Variants in COPB2 observed in about 807,000 individuals in gnomAD.
The protein encoded by COPB2 is coatomer subunit beta'.
COPB2 carries 16 observed loss-of-function variants against 120.8 expected under a neutral mutation model. The observed-to-expected ratio is 0.13, with a 90% CI of 0.09 to 0.20. The LOEUF is 0.20. Ranked by LOEUF, COPB2 falls within the 10% of genes least tolerant of loss-of-function variation. The pLI is 1.00. For synonymous variants in COPB2, 332 were observed against 366.3 expected, an observed-to-expected ratio of 0.91 and a Z score of 1.07; for missense variants, 794 against 1,076.5, an observed-to-expected ratio of 0.74 and a Z score of 3.67.
intron 13 of COPB2, 60 bp downstream of exon 13, chr3:139,368,085 G>T (rs769074247): frequency 3.7e-5 from 57 of 1,547,568 alleles, no homozygotes; most frequent in Non-Finnish European, 4.8e-5. Context: ...AAAGTCTGTT[G>T]TAAGAATATA....
Position 139,358,778 on chromosome 3 carries a change from T to C in COPB2, c.2519A>G (p.Lys840Arg), listed in dbSNP as rs1342344055. 6.2e-7 allele frequency: 1 copy of C among 1,613,398 alleles called. No individual in the cohort carries two copies. Among genetic ancestry groups the C allele is most frequent in the Non-Finnish European group, 8.5e-7 (1 of 1,179,388 alleles). ...NEERNVMEEG[K>R]DFQPSRSTAQ... Reference sequence around the variant, plus strand: ...TGTAGATCTTGAGGGCTGAAAGTCTTTTCCCTCTTCCATGACATTTCTCTC... The same window carrying C: ...TGTAGATCTTGAGGGCTGAAAGTCTCTTCCCTCTTCCATGACATTTCTCTC... Residue 840 changes from lysine to arginine, a missense_variant, in exon 20 of 22, where the codon AAA (lysine) becomes AGA (arginine). By Grantham distance (26) the Lys-to-Arg change is conservative. Coordinates refer to ENST00000333188, the MANE Select transcript of COPB2 (RefSeq NM_004766.3).
At chr3:139,358,172 G>A (rs758406637) in intron 21 of COPB2, 28 bp downstream of exon 21, 30 of 1,594,050 alleles carry the variant, frequency 1.9e-5, no homozygotes, top group Non-Finnish European at 2.6e-5. Context: ...TGGGGTAGAG[G>A]GAGGTTTGAG....
At chr3:139,376,260 C>CATAA (rs1005565835) in intron 5 of COPB2, among the ~76,000 whole-genome samples, 53 of 151,980 alleles carry the variant, frequency 3.5e-4, no homozygotes, top group African/African-American at 1.2e-3. Context: ...CTCAAAAATA[C>CATAA]ATAAATAAAT....
chr3:139,389,408 C>CTG (rs3215032), intron 1 of COPB2, 140 bp downstream of exon 1: 1,064,011 of 1,271,530 alleles, frequency 0.84, 451,769 homozygotes, highest in East Asian at 0.93. Flanking sequence ...TGGAATCAAA[C>CTG]GACCAAGACC....
At position 139,359,243 on chromosome 3, in the gene COPB2, T is replaced by C. The variant is rs773335574; in HGVS notation, c.2303+27A>G. 6 of 1,612,850 alleles carry C rather than the reference T, an allele frequency of 3.7e-6. No individual in the cohort carries two copies. The African/African-American group carries it at 6.7e-5, about 18-fold the overall frequency. On this transcript the variant is annotated intron_variant, in intron 18 of 21. Coordinates refer to ENST00000333188, the MANE Select transcript of COPB2 (RefSeq NM_004766.3). ...ATGTGCTCTCTTTTTATTGGAAACA[T>C]TTCTTCCTAAAATTAAAAGTCTGTA... is the stretch of plus-strand genomic sequence containing the variant.
chr3:139,374,323 GAT>G, intron 7 of COPB2, 164 bp downstream of exon 7: 1 of 572,738 alleles, frequency 1.7e-6, no homozygotes. Context: ...TGATGATGAT[GAT>G]GATGAAAATA....
At chr3:139,370,726 G>A (rs1941609862) in intron 10 of COPB2, among the ~76,000 whole-genome samples, 1 of 152,134 alleles carries the variant, frequency 6.6e-6, no homozygotes, top group Admixed American at 6.5e-5. Flanking sequence ...CTCAGGACAG[G>A]AAAGATGCTG....
At chr3:139,389,450 A>T in intron 1 of COPB2, 98 bp downstream of exon 1, 1 of 1,386,652 alleles carries the variant, frequency 7.2e-7, no homozygotes, top group Non-Finnish European at 9.5e-7. Context: ...CCGCAGCGGG[A>T]GCCCAGACCA....
At chr3:139,378,013 T>C in intron 5 of COPB2, 28 bp downstream of exon 5, 3 of 1,500,550 alleles carry the variant, frequency 2.0e-6, no homozygotes, top group Non-Finnish European at 2.7e-6. Flanking sequence ...CTAATAATGA[T>C]AACTGACACA....
chr3:139,366,894 A>C (rs1941528312), intron 14 of COPB2, 119 bp from the exon 15 acceptor site: 1 of 1,473,566 alleles, frequency 6.8e-7, no homozygotes, highest in Middle Eastern at 1.8e-4. Flanking sequence ...TCTGGTTAAC[A>C]ATAGGCAACC....
intron 10 of COPB2, 139 bp downstream of exon 10, chr3:139,371,584 A>G: frequency 1.6e-6 from 1 of 643,210 alleles, no homozygotes; most frequent in South Asian, 2.1e-5. Flanking sequence ...TCTGACTCTC[A>G]TCTTCCAATG....
intron 12 of COPB2, 126 bp downstream of exon 12, chr3:139,369,135 T>C (rs1941577267): frequency 1.6e-6 from 1 of 635,238 alleles, no homozygotes; most frequent in Non-Finnish European, 2.7e-6. Context: ...TGCTGTTTTA[T>C]ATTTTAAATG....
chr3:139,375,949 G>A lies in COPB2; in HGVS notation c.505-335C>T, dbSNP rs1375594804. On this transcript the variant is annotated intron_variant, in intron 5 of 21. Coordinates refer to ENST00000333188, the MANE Select transcript of COPB2 (RefSeq NM_004766.3). ...TATACAGCTCATGAAAGTAGATTTA[G>A]TAAGATATATTAAAAGTTGCTGGGT... 5.3e-5 allele frequency among the ~76,000 whole-genome samples: 8 copies of A among 152,262 alleles called. No homozygotes were observed. In the East Asian group the frequency reaches 1.5e-3, roughly 29 times the overall value.
At chr3:139,380,869 G>A (rs530867069) in intron 2 of COPB2, 1 of 152,240 alleles carries the variant, frequency 6.6e-6, no homozygotes, top group Admixed American at 6.5e-5. Flanking sequence ...ATCCACAAAA[G>A]CTCATGAGGA....
chr3:139,377,533 T>G, intron 5 of COPB2, among the ~76,000 whole-genome samples: 1 of 152,220 alleles, frequency 6.6e-6, no homozygotes, highest in East Asian at 1.9e-4. Context: ...TCGCATAATA[T>G]TAGCCCAGGC....
chr3:139,387,527 C>G (rs1360591181), intron 1 of COPB2, among the ~76,000 whole-genome samples: 1 of 152,158 alleles, frequency 6.6e-6, no homozygotes, highest in Non-Finnish European at 1.5e-5. Context: ...GCATTCTTTC[C>G]TAGGGAATCC....
At chr3:139,373,457 A>G (rs1941659401) in intron 8 of COPB2, 45 bp from the exon 9 acceptor site, 8 of 1,602,916 alleles carry the variant, frequency 5.0e-6, no homozygotes, top group Non-Finnish European at 6.8e-6. Flanking sequence ...AGGAAAATGA[A>G]TAAAACCAAA....
chr3:139,373,548 G>C, intron 8 of COPB2, 118 bp downstream of exon 8: 1 of 1,509,546 alleles, frequency 6.6e-7, no homozygotes, highest in South Asian at 1.2e-5. Flanking sequence ...TTAATGTCTA[G>C]TGCTTAATGA....
intron 10 of COPB2, among the ~76,000 whole-genome samples, chr3:139,370,333 G>A (rs78490940): frequency 0.076 from 11,525 of 152,196 alleles, 493 homozygotes; most frequent in Middle Eastern, 0.13. Flanking sequence ...GCTAGACAAA[G>A]CGATGATTCA....
Sources: allele counts gnomAD v4.1 joint callset (sites outside exome capture counted in the v4.1 genomes callset), GRCh38; gene constraint gnomAD v4.1.1; transcripts MANE v1.5; gene names NCBI Gene and HGNC (gene_info 2026-07-23, HGNC 2026-07-21).